Variants in NRXN3 observed in about 807,000 individuals in gnomAD.
The protein encoded by NRXN3 is neurexin 3.
Under a neutral mutation model 137.6 loss-of-function variants are expected in NRXN3, and 32 were observed. The ratio of observed to expected loss-of-function variants is 0.23; its 90% CI spans 0.18 to 0.31. The LOEUF is 0.31. Among genes scored for constraint, NRXN3 ranks in the 10% least tolerant of loss-of-function variants. NRXN3 has a pLI of 1.00. For synonymous variants in NRXN3, 798 were observed against 784.5 expected, an observed-to-expected ratio of 1.02 and a Z score of -0.29; for missense variants, 1,574 against 2,062.5, an observed-to-expected ratio of 0.76 and a Z score of 4.59.
chr14:79,236,596 T>C (rs1222008396), intron 15 of NRXN3, among the ~76,000 whole-genome samples: 1 of 152,098 alleles, frequency 6.6e-6, no homozygotes, highest in Middle Eastern at 3.2e-3. Context: ...ATTTTTTGTA[T>C]GGAGGTTACT....
chr14:78,363,526 G>GCA (rs2153608411), intron 4 of NRXN3, among the ~76,000 whole-genome samples: 1 of 152,214 alleles, frequency 6.6e-6, no homozygotes, highest in South Asian at 2.1e-4. Context: ...TAAGACTGAG[G>GCA]CACATACAGG....
intron 15 of NRXN3, among the ~76,000 whole-genome samples, chr14:79,375,282 A>G (rs1284787874): frequency 9.0e-6 from 1 of 111,310 alleles, no homozygotes; most frequent in African/African-American, 3.4e-5. Context: ...CCCCGCCTCC[A>G]GCTCCCACCC....
chr14:79,376,248 A>G (rs1175008753), intron 15 of NRXN3, among the ~76,000 whole-genome samples: 1 of 78,758 alleles, frequency 1.3e-5, no homozygotes, highest in African/African-American at 4.0e-5. Context: ...ATATATATAT[A>G]TATATATATA....
At chr14:78,821,021 CT>C (rs2098949272) in intron 10 of NRXN3, among the ~76,000 whole-genome samples, 1 of 152,056 alleles carries the variant, frequency 6.6e-6, no homozygotes, top group Non-Finnish European at 1.5e-5. Flanking sequence ...AGGCATGAAC[CT>C]TTATAAATTT....
intron 16 of NRXN3, among the ~76,000 whole-genome samples, chr14:79,499,758 C>CCA (rs2096801105): frequency 6.6e-6 from 1 of 152,116 alleles, no homozygotes. Context: ...TTCATACCAG[C>CCA]CACCCTAATC....
At chr14:78,451,813 C>A (rs186547830) in intron 4 of NRXN3, among the ~76,000 whole-genome samples, 1 of 152,338 alleles carries the variant, frequency 6.6e-6, no homozygotes, top group East Asian at 1.9e-4. Context: ...GAAAGTCTTA[C>A]ATTTACTCTG....
intron 15 of NRXN3, among the ~76,000 whole-genome samples, chr14:79,306,990 G>A (rs561647778): frequency 6.6e-6 from 1 of 152,070 alleles, no homozygotes; most frequent in Non-Finnish European, 1.5e-5. Context: ...AGGGTCATTC[G>A]AGAAGGGATA....
At chr14:79,706,670 A>C (rs1603443525) in intron 19 of NRXN3, among the ~76,000 whole-genome samples, 1 of 152,134 alleles carries the variant, frequency 6.6e-6, no homozygotes, top group African/African-American at 2.4e-5. Context: ...GCTGGCTCCT[A>C]GTGAGGCCCA....
intron 16 of NRXN3, among the ~76,000 whole-genome samples, chr14:79,593,331 A>T (rs2153823592): frequency 6.6e-6 from 1 of 152,308 alleles, no homozygotes; most frequent in East Asian, 1.9e-4. Flanking sequence ...ACAGCATATT[A>T]AAAATTTACC....
intron 20 of NRXN3, among the ~76,000 whole-genome samples, chr14:79,825,408 G>A (rs556350175): frequency 6.6e-6 from 1 of 152,222 alleles, no homozygotes; most frequent in East Asian, 1.9e-4. Context: ...CAGAAGTAGT[G>A]AAGCTAGGAG....
intron 15 of NRXN3, among the ~76,000 whole-genome samples, chr14:79,300,881 C>G (rs548987981): frequency 6.6e-6 from 1 of 152,050 alleles, no homozygotes; most frequent in Middle Eastern, 3.4e-3. Context: ...TGGACCTTCA[C>G]AGAAAATAAA....
At chr14:78,674,129 T>C (rs2097970401) in intron 6 of NRXN3, among the ~76,000 whole-genome samples, 1 of 152,208 alleles carries the variant, frequency 6.6e-6, no homozygotes, top group Non-Finnish European at 1.5e-5. Flanking sequence ...TTATGCCTCC[T>C]GTCCCTGTCA....
intron 1 of NRXN3, among the ~76,000 whole-genome samples, chr14:78,185,990 T>G (rs1198586356): frequency 6.6e-6 from 1 of 152,146 alleles, no homozygotes; most frequent in Non-Finnish European, 1.5e-5. Flanking sequence ...CTTGTTCATC[T>G]TTGTGGTAAT....
chr14:78,603,304 A>G (rs1204335786), intron 4 of NRXN3, among the ~76,000 whole-genome samples: 1 of 151,894 alleles, frequency 6.6e-6, no homozygotes, highest in Non-Finnish European at 1.5e-5. Flanking sequence ...TCATGTTTTG[A>G]TATATTTTTT....
intron 10 of NRXN3, among the ~76,000 whole-genome samples, chr14:78,898,601 G>A (rs996221540): frequency 7.4e-6 from 1 of 134,978 alleles, no homozygotes; most frequent in African/African-American, 3.0e-5. Flanking sequence ...GTGTGTGTGT[G>A]TCTGATATAT....
At chr14:79,210,311 T>C (rs1211278053) in intron 15 of NRXN3, among the ~76,000 whole-genome samples, 1 of 152,210 alleles carries the variant, frequency 6.6e-6, no homozygotes, top group Admixed American at 6.5e-5. Flanking sequence ...CTTGTTTCAC[T>C]AGGACAGATA....
chr14:78,247,241 T>C (rs1282293609), intron 2 of NRXN3, among the ~76,000 whole-genome samples: 1 of 152,178 alleles, frequency 6.6e-6, no homozygotes, highest in Non-Finnish European at 1.5e-5. Context: ...CCCATCTCTT[T>C]TATGTGCTTT....
chr14:78,366,485 TA>T (rs1415503303), intron 4 of NRXN3, among the ~76,000 whole-genome samples: 2 of 152,238 alleles, frequency 1.3e-5, no homozygotes, highest in African/African-American at 4.8e-5. Context: ...TAATTTCCCA[TA>T]ATTCCACTAT....
At chr14:79,314,003 A>G (rs1319319463) in intron 15 of NRXN3, 1 of 150,858 alleles carries the variant, frequency 6.6e-6, no homozygotes, top group Non-Finnish European at 1.5e-5. Flanking sequence ...TTGGAGGAGG[A>G]GAGGCGCTCT....
Sources: gnomAD v4.1 joint callset for allele counts (sites outside exome capture counted in the v4.1 genomes callset) on GRCh38, gnomAD v4.1.1 for gene constraint, MANE v1.5 for transcripts, NCBI Gene and HGNC (gene_info 2026-07-23, HGNC 2026-07-21) for gene names.